MAN2A1: variants seen among roughly 807,000 people sequenced by gnomAD.
The protein encoded by MAN2A1 is mannosidase alpha class 2A member 1.
A neutral mutation model predicts 142.6 loss-of-function variants in MAN2A1; 76 were observed. The ratio of observed to expected loss-of-function variants is 0.53; its 90% CI spans 0.44 to 0.65. The LOEUF (loss-of-function observed/expected upper bound fraction) is 0.65. Ranked by LOEUF, MAN2A1 falls within the 30% of genes least tolerant of loss-of-function variation. The probability of loss-of-function intolerance (pLI) is 0.00; values close to 1 mark genes in which losing one functional copy is unlikely to be tolerated. For synonymous variants in MAN2A1, 559 were observed against 473.2 expected (o/e 1.18, Z -2.35); for missense variants, 1,311 against 1,365.1 (o/e 0.96, Z 0.62).
intron 8 of MAN2A1, among the ~76,000 whole-genome samples, chr5:109,777,102 T>A (rs139555521): frequency 2.0e-5 from 3 of 152,254 alleles, no homozygotes; most frequent in Admixed American, 2.0e-4. Flanking sequence ...TTTACATGGG[T>A]ATAAAATGGG....
chr5:109,705,836 C>T (rs1421905297), intron 1 of MAN2A1, among the ~76,000 whole-genome samples: 1 of 152,174 alleles, frequency 6.6e-6, no homozygotes, highest in African/African-American at 2.4e-5. Flanking sequence ...TCAAGGCTGC[C>T]TTCCAGCAAT....
intron 16 of MAN2A1, among the ~76,000 whole-genome samples, chr5:109,833,373 G>C (rs898616567): frequency 6.6e-6 from 1 of 152,096 alleles, no homozygotes; most frequent in African/African-American, 2.4e-5. Flanking sequence ...ACTCCAGCCT[G>C]GGCAACATTG....
chr5:109,745,797 T>C (rs573382118), intron 4 of MAN2A1, among the ~76,000 whole-genome samples: 1 of 152,216 alleles, frequency 6.6e-6, no homozygotes, highest in East Asian at 1.9e-4. Context: ...TTTATAATTT[T>C]GTAGAGATAG....
intron 20 of MAN2A1, among the ~76,000 whole-genome samples, chr5:109,860,390 T>G (rs1406682420): frequency 1.3e-5 from 2 of 152,200 alleles, no homozygotes; most frequent in East Asian, 3.9e-4. Flanking sequence ...TTCTAACCTT[T>G]CCAGCTGCCA....
At chr5:109,699,223 A>G (rs150895295) in intron 1 of MAN2A1, among the ~76,000 whole-genome samples, 300 of 151,946 alleles carry the variant, frequency 2.0e-3, no homozygotes, top group Middle Eastern at 6.8e-3. Context: ...CTTCCTTCTC[A>G]TTTCTCACCC....
intron 4 of MAN2A1, among the ~76,000 whole-genome samples, chr5:109,738,694 G>A (rs1346071554): frequency 6.6e-6 from 1 of 152,124 alleles, no homozygotes; most frequent in Non-Finnish European, 1.5e-5. Context: ...AATTAATTCA[G>A]ACAACATGCT....
intron 4 of MAN2A1, among the ~76,000 whole-genome samples, chr5:109,750,633 TATATTTGCCTATTTTTGACCTAGTC>T: frequency 6.6e-6 from 1 of 152,128 alleles, no homozygotes; most frequent in Non-Finnish European, 1.5e-5. Context: ...TATGATATGA[TATATTTGCCTATTTTTGACCTAGTC>T]ATGCAATTTT....
At chr5:109,745,773 A>T (rs1182929447) in intron 4 of MAN2A1, among the ~76,000 whole-genome samples, 1 of 152,086 alleles carries the variant, frequency 6.6e-6, no homozygotes, top group Non-Finnish European at 1.5e-5. Context: ...GCAGGCCACC[A>T]TGCCTAGCCA....
Position 109,842,454 on chromosome 5 carries a change from G to A in MAN2A1, c.2693G>A (p.Gly898Glu). The A allele has an allele frequency of 6.5e-7, 1 of 1,542,532 alleles. No individual in the cohort carries two copies. The highest frequency in any genetic ancestry group is 1.2e-5 in the South Asian group (1 of 83,430). ...AATAGATTTTATACTGACCTAAATG[G>A]GTACCAGGTAATTTTTCCTTTAAAA... is the stretch of plus-strand genomic sequence containing the variant. ...SQNRFYTDLN[G>E]YQIQPRMTLS... Residue 898 changes from glycine (G) to glutamate (E), a missense_variant, in exon 17 of 22, where the codon GGG becomes GAG. By Grantham distance (98) the Gly-to-Glu change is moderately conservative. This residue lies in a region of MAN2A1 where 890 missense variants were observed against 920.5 expected (regional missense o/e 0.97). Transcript: ENST00000261483.
chr5:109,832,156 GTTTTC>G (rs1754924314), intron 16 of MAN2A1, among the ~76,000 whole-genome samples: 1 of 79,228 alleles, frequency 1.3e-5, no homozygotes, highest in African/African-American at 4.0e-5. Context: ...AATGGAAGGA[GTTTTC>G]TTTTTTTTTT....
chr5:109,784,531 TAGACATGGTATTCTTTGATGATTG>T (rs1753546633), intron 9 of MAN2A1, among the ~76,000 whole-genome samples, 189 bp from the exon 10 acceptor site: 1 of 152,184 alleles, frequency 6.6e-6, no homozygotes, highest in Admixed American at 6.5e-5. Context: ...GATACCAGTG[TAGACATGGTATTCTTTGATGATTG>T]AGAACGTAAA....
At chr5:109,723,613 T>G (rs1247267639) in intron 3 of MAN2A1, among the ~76,000 whole-genome samples, 1 of 152,220 alleles carries the variant, frequency 6.6e-6, no homozygotes, top group African/African-American at 2.4e-5. Flanking sequence ...GTACAGTTAT[T>G]TTTGAAAGCA....
At chr5:109,734,231 C>T (rs1178912712) in intron 4 of MAN2A1, among the ~76,000 whole-genome samples, 41 of 149,002 alleles carry the variant, frequency 2.8e-4, no homozygotes, top group East Asian at 7.9e-4. Context: ...TTTTTTATTG[C>T]GTCTATTTGA....
rs765830721 is a variant in MAN2A1, at chr5:109,690,528, G to T, written c.111G>T (p.Pro37=). The change falls in exon 1 of 22, where the codon CCG becomes CCT. Residue 37 remains proline, a synonymous_variant. Transcript: ENST00000261483. ...DRGHLDYPRN[P]RREGSFPQGQ... is the part of the protein sequence containing the mutation. ...GTCACTTAGACTACCCCAGGAACCC[G>T]CGCCGCGAGGGCTCCTTCCCTCAGG... 28 of 1,609,708 alleles carry T rather than the reference G, an allele frequency of 1.7e-5. No homozygotes were observed. Among genetic ancestry groups the T allele is most frequent in the South Asian group, 7.7e-5 (7 of 90,440 alleles).
chr5:109,807,668 A>G (rs1335609712), intron 12 of MAN2A1, among the ~76,000 whole-genome samples: 1 of 152,096 alleles, frequency 6.6e-6, no homozygotes, highest in East Asian at 1.9e-4. Flanking sequence ...GCCCACCTAG[A>G]CAGCCCCGAA....
intron 10 of MAN2A1, 112 bp from the exon 11 acceptor site, chr5:109,788,822 C>T: frequency 3.3e-6 from 2 of 608,304 alleles, no homozygotes; most frequent in Non-Finnish European, 5.9e-6. Context: ...ATAGGTTTCA[C>T]TTTGAATACA....
chr5:109,851,568 A>G (rs1755482811), intron 19 of MAN2A1, among the ~76,000 whole-genome samples: 1 of 152,318 alleles, frequency 6.6e-6, no homozygotes, highest in Non-Finnish European at 1.5e-5. Context: ...CCCTCACCAG[A>G]TGCCAGTGCC....
chr5:109,804,403 T>C, intron 12 of MAN2A1: 1 of 384,478 alleles, frequency 2.6e-6, no homozygotes, highest in Non-Finnish European at 3.6e-6. Context: ...CGCGTTACTT[T>C]TCAAACTGAA....
rs528732008 is a variant in MAN2A1, at chr5:109,862,304, C to T, written c.3172-2732C>T. On this transcript the variant is annotated intron_variant, in intron 20 of 21. Coordinates refer to ENST00000261483, the MANE Select transcript of MAN2A1 (RefSeq NM_002372.4). ...CCAAATCATCTTTCCCCATACTCCA[C>T]CAAGTTGCTGGAAGAGCCTCAGAGG... 2.0e-5 allele frequency: 3 copies of T among 152,282 alleles called. No individual in the cohort carries two copies. The South Asian group carries it at 6.2e-4, about 32-fold the overall frequency. 9.4% of individuals were successfully genotyped at this position (152,282 alleles called of 1,614,324 possible).
Sources: allele counts gnomAD v4.1 joint callset (sites outside exome capture counted in the v4.1 genomes callset), GRCh38; gene constraint gnomAD v4.1.1; regional missense constraint gnomAD v4.1.1; transcripts MANE v1.5; gene names NCBI Gene and HGNC (gene_info 2026-07-23, HGNC 2026-07-21).